Variants in NOL4 observed in about 807,000 individuals in gnomAD.
NOL4 encodes cancer/testis antigen 125.
A neutral mutation model predicts 75.9 loss-of-function variants in NOL4; 17 were observed. That is an observed-to-expected ratio of 0.22 (90% confidence interval 0.15 to 0.34). The LOEUF (loss-of-function observed/expected upper bound fraction) is 0.34. NOL4 is among the 10% of genes least tolerant of loss of function. The probability of loss-of-function intolerance (pLI) is 1.00; values close to 1 mark genes in which losing one functional copy is unlikely to be tolerated. For synonymous variants in NOL4, 292 were observed against 289.9 expected (o/e 1.01, Z -0.07); for missense variants, 614 against 793.5 (o/e 0.77, Z 2.72).
In NOL4 at chr18:34,182,408, T is replaced by C. The variant is rs566739990; in HGVS notation, c.264+40582A>G. 4.5e-4 allele frequency among the ~76,000 whole-genome samples: 69 copies of C among 151,702 alleles called. No individual in the cohort carries two copies. In the South Asian group the frequency reaches 0.013, roughly 29 times the overall value. On this transcript the variant is annotated intron_variant, in intron 1 of 10. Coordinates refer to ENST00000261592, the MANE Select transcript of NOL4 (RefSeq NM_003787.5). ...GTTAGGGGCTGGAAGGACAGGAAAATAAGCACTGAATGCTAGCAGGTGTGA... is the reference window on the plus strand; with the variant it reads ...GTTAGGGGCTGGAAGGACAGGAAAACAAGCACTGAATGCTAGCAGGTGTGA...
intron 9 of NOL4, among the ~76,000 whole-genome samples, chr18:33,911,842 A>G (rs1169450417): frequency 6.6e-6 from 1 of 152,116 alleles, no homozygotes; most frequent in Non-Finnish European, 1.5e-5. Context: ...AGCTTGAATA[A>G]TTTAATTTAT....
chr18:33,955,566 A>T (rs1302778061), intron 8 of NOL4, among the ~76,000 whole-genome samples: 1 of 152,114 alleles, frequency 6.6e-6, no homozygotes, highest in African/African-American at 2.4e-5. Flanking sequence ...CAGAAAGACA[A>T]TGGAGAGTTT....
At chr18:33,894,393 T>C (rs922938575) in intron 9 of NOL4, among the ~76,000 whole-genome samples, 2 of 152,146 alleles carry the variant, frequency 1.3e-5, no homozygotes, top group Non-Finnish European at 2.9e-5. Flanking sequence ...TTCTTTCATG[T>C]AGTTAGGAGC....
intron 9 of NOL4, among the ~76,000 whole-genome samples, chr18:33,901,615 T>C (rs2144990655): frequency 6.6e-6 from 1 of 152,250 alleles, no homozygotes; most frequent in South Asian, 2.1e-4. Flanking sequence ...AACACGTTTA[T>C]AAAAATTTTG....
intron 9 of NOL4, among the ~76,000 whole-genome samples, chr18:33,915,720 T>C (rs1207544009): frequency 6.6e-6 from 1 of 152,104 alleles, no homozygotes; most frequent in Non-Finnish European, 1.5e-5. Context: ...GCGTAGAATA[T>C]AGCAAAAGGG....
chr18:34,119,231 T>C (rs1460680946), intron 2 of NOL4, among the ~76,000 whole-genome samples: 2 of 152,222 alleles, frequency 1.3e-5, no homozygotes, highest in African/African-American at 2.4e-5. Flanking sequence ...TAACTACTTA[T>C]CTATCTATAG....
chr18:33,990,617 C>T (rs2072849685), intron 6 of NOL4, among the ~76,000 whole-genome samples: 2 of 152,058 alleles, frequency 1.3e-5, no homozygotes, highest in Non-Finnish European at 1.5e-5. Flanking sequence ...ATTTATTCTT[C>T]TACAGTTACG....
intron 6 of NOL4, among the ~76,000 whole-genome samples, chr18:33,988,389 A>G (rs2072635058): frequency 6.6e-6 from 1 of 152,112 alleles, no homozygotes; most frequent in Non-Finnish European, 1.5e-5. Flanking sequence ...ATGTTCAAAC[A>G]TAAAAAGATA....
chr18:33,982,601 T>C (rs1334468261), intron 6 of NOL4, among the ~76,000 whole-genome samples: 1 of 152,142 alleles, frequency 6.6e-6, no homozygotes, highest in Non-Finnish European at 1.5e-5. Context: ...TAGATTAGTC[T>C]GTTATTATAG....
At chr18:33,882,881 A>C (rs989918975) in intron 10 of NOL4, among the ~76,000 whole-genome samples, 3 of 151,970 alleles carry the variant, frequency 2.0e-5, no homozygotes, top group African/African-American at 7.3e-5. Flanking sequence ...CAGCCATAAA[A>C]AATGATGAGT....
At chr18:33,979,581 T>C (rs968887178) in intron 6 of NOL4, among the ~76,000 whole-genome samples, 1 of 151,928 alleles carries the variant, frequency 6.6e-6, no homozygotes, top group African/African-American at 2.4e-5. Context: ...CTTGGTACCA[T>C]AAATGTTGAG....
chr18:34,017,730 C>G (rs1399671784), intron 6 of NOL4, among the ~76,000 whole-genome samples: 2 of 152,150 alleles, frequency 1.3e-5, no homozygotes, highest in African/African-American at 4.8e-5. Context: ...TGCCTACACT[C>G]TCCTTCAAAG....
intron 2 of NOL4, among the ~76,000 whole-genome samples, chr18:34,117,676 T>G (rs1308611547): frequency 2.6e-5 from 4 of 152,196 alleles, no homozygotes; most frequent in Non-Finnish European, 4.4e-5. Flanking sequence ...GATGGCTTTG[T>G]GACAATGCTG....
At chr18:34,045,595 G>T (rs550620501) in intron 5 of NOL4, among the ~76,000 whole-genome samples, 12 of 152,030 alleles carry the variant, frequency 7.9e-5, no homozygotes, top group Non-Finnish European at 1.5e-4. Flanking sequence ...TTATCAATTT[G>T]CTTACATGCA....
At chr18:34,157,852 G>A (rs1207592536) in intron 1 of NOL4, among the ~76,000 whole-genome samples, 1 of 152,104 alleles carries the variant, frequency 6.6e-6, no homozygotes, top group Non-Finnish European at 1.5e-5. Context: ...TTTGGGAGAG[G>A]TAGGAACAGG....
chr18:34,119,670 G>A lies in NOL4; in HGVS notation c.414+10201C>T, dbSNP rs957317842. On this transcript the variant is annotated intron_variant, in intron 2 of 10. Coordinates refer to ENST00000261592, the MANE Select transcript of NOL4 (RefSeq NM_003787.5). ...GGAGTCTCGCTCTGTCGCCCACGCT[G>A]GAGTGCAGTGGCGCGATCTCGGCTC... Among the ~76,000 whole-genome samples the A allele has an allele frequency of 1.1e-4, 17 of 151,990 alleles. No homozygotes were observed. In the East Asian group the frequency reaches 2.7e-3, roughly 24 times the overall value.
At chr18:33,969,288 G>C (rs539614464) in intron 6 of NOL4, among the ~76,000 whole-genome samples, 1 of 151,770 alleles carries the variant, frequency 6.6e-6, no homozygotes, top group Non-Finnish European at 1.5e-5. Context: ...TATTACCTTC[G>C]ATATGGACTG....
At chr18:33,929,569 C>T (rs2067550012) in intron 9 of NOL4, among the ~76,000 whole-genome samples, 1 of 152,106 alleles carries the variant, frequency 6.6e-6, no homozygotes. Flanking sequence ...TATACAAACA[C>T]CTGCTCAGTG....
At chr18:34,128,503 A>G (rs1056462313) in intron 2 of NOL4, among the ~76,000 whole-genome samples, 1 of 151,952 alleles carries the variant, frequency 6.6e-6, no homozygotes, top group African/African-American at 2.4e-5. Flanking sequence ...CTTAGGAGAC[A>G]GGCAAAATGA....
Sources: allele counts gnomAD v4.1 joint callset (sites outside exome capture counted in the v4.1 genomes callset), GRCh38; gene constraint gnomAD v4.1.1; transcripts MANE v1.5; gene names NCBI Gene and HGNC (gene_info 2026-07-23, HGNC 2026-07-21).